Variants in MAST4 observed in about 807,000 individuals in gnomAD.
The protein encoded by MAST4 is microtubule associated serine/threonine kinase family member 4.
In MAST4, 89 loss-of-function variants were observed where a neutral mutation model predicts 162.7. The observed-to-expected ratio is 0.55, with a 90% CI of 0.46 to 0.65. The LOEUF (loss-of-function observed/expected upper bound fraction) is 0.65, where lower values mean the gene tolerates loss of function less well. MAST4 is among the 30% of genes least tolerant of loss of function. The probability of loss-of-function intolerance (pLI) is 0.00; values close to 1 mark genes in which losing one functional copy is unlikely to be tolerated. For missense variants in MAST4, 3,153 were observed against 3,374.0 expected, an observed-to-expected ratio of 0.93 and a Z score of 1.62; for synonymous variants, 1,479 against 1,361.1, an observed-to-expected ratio of 1.09 and a Z score of -1.91.
intron 3 of MAST4, among the ~76,000 whole-genome samples, chr5:66,858,312 T>C (rs1050509242): frequency 3.3e-5 from 5 of 152,250 alleles, no homozygotes; most frequent in East Asian, 1.9e-4. Flanking sequence ...GCTTTTTTTT[T>C]CTAAAATTTT....
Position 66,845,091 on chromosome 5 carries a change from A to T in MAST4, c.643-54860A>T, listed in dbSNP as rs187548897. Among the ~76,000 whole-genome samples, 141 of 40,120 alleles carry T rather than the reference A, an allele frequency of 3.5e-3. 1 individual carries two copies. Among genetic ancestry groups the T allele is most frequent in the South Asian group, 0.012 (14 of 1,210 alleles). The allele number at this position is 40,120 out of a possible 152,430, so 26.3% of individuals were successfully genotyped here. ...CCATTAAGGTCACTAATCTTTATAT[A>T]TATATATATATATATATATATATAT... On this transcript the variant is annotated intron_variant, in intron 3 of 28. Coordinates refer to ENST00000403625, the MANE Select transcript of MAST4 (RefSeq NM_001164664.2).
chr5:66,739,007 C>T (rs1752328041), intron 1 of MAST4, among the ~76,000 whole-genome samples: 1 of 152,026 alleles, frequency 6.6e-6, no homozygotes, highest in Non-Finnish European at 1.5e-5. Flanking sequence ...TGCCATTTTC[C>T]TATAGATCTT....
At chr5:66,743,673 G>A in intron 1 of MAST4, among the ~76,000 whole-genome samples, 1 of 152,228 alleles carries the variant, frequency 6.6e-6, no homozygotes, top group East Asian at 1.9e-4. Context: ...TGGAGAGGCA[G>A]AGACTCAGCC....
At chr5:67,135,886 C>G (rs1227761198) in intron 18 of MAST4, among the ~76,000 whole-genome samples, 2 of 152,220 alleles carry the variant, frequency 1.3e-5, no homozygotes, top group Non-Finnish European at 2.9e-5. Flanking sequence ...TCCGTACACA[C>G]AAGCACGCAC....
At position 67,078,927 on chromosome 5, in the gene MAST4, T is replaced by TAATATATATATATAATATATATATATATA. The variant is rs1554093935; in HGVS notation, c.764-11234_764-11233insATATATATATATAATATATATATATATAA. On this transcript the variant is annotated intron_variant, in intron 5 of 28. Transcript: ENST00000403625. ...TTTTATATAAATATATATATATATA[T>TAATATATATATATAATATATATATATATA]ATATATATATATATATATATATATG... Among the ~76,000 whole-genome samples the TAATATATATATATAATATATATATATATA allele has an allele frequency of 2.0e-3, 170 of 84,288 alleles. 7 individuals are homozygous for TAATATATATATATAATATATATATATATA. The highest frequency in any genetic ancestry group is 9.5e-3 in the African/African-American group (163 of 17,154). The allele number at this position is 84,288 out of a possible 152,430, so 55.3% of individuals were successfully genotyped here. A position where few individuals can be genotyped will look rare whatever the true frequency, so the allele number is the denominator to read the frequency against.
intron 2 of MAST4, among the ~76,000 whole-genome samples, chr5:66,769,227 G>T (rs566031911): frequency 6.6e-6 from 1 of 152,262 alleles, no homozygotes; most frequent in Admixed American, 6.5e-5. Context: ...ATTCATAAGA[G>T]TGGTGAGGAG....
At chr5:66,611,593 A>C (rs1260006280) in intron 1 of MAST4, among the ~76,000 whole-genome samples, 2 of 152,164 alleles carry the variant, frequency 1.3e-5, no homozygotes, top group African/African-American at 4.8e-5. Flanking sequence ...CTCTTTAGGG[A>C]TCTTCTGTGG....
intron 3 of MAST4, among the ~76,000 whole-genome samples, chr5:66,801,423 C>T (rs745742687): frequency 6.6e-6 from 1 of 152,172 alleles, no homozygotes; most frequent in Non-Finnish European, 1.5e-5. Context: ...CAGCTATCAG[C>T]TTCAATATCA....
At chr5:66,982,944 A>C (rs1749046716) in intron 4 of MAST4, among the ~76,000 whole-genome samples, 1 of 152,236 alleles carries the variant, frequency 6.6e-6, no homozygotes, top group Admixed American at 6.5e-5. Flanking sequence ...AATCTGAATT[A>C]CACTAAAATA....
At chr5:66,913,702 G>A (rs546147518) in intron 4 of MAST4, among the ~76,000 whole-genome samples, 9 of 152,130 alleles carry the variant, frequency 5.9e-5, no homozygotes, top group Admixed American at 4.6e-4. Flanking sequence ...GAGCTAAGCC[G>A]TCTTTCCCTA....
chr5:66,758,052 G>T (rs1453213914), intron 1 of MAST4, among the ~76,000 whole-genome samples: 3 of 151,668 alleles, frequency 2.0e-5, no homozygotes, highest in African/African-American at 7.3e-5. Context: ...CATTTGAAAG[G>T]GTGTGTTTTT....
intron 23 of MAST4, among the ~76,000 whole-genome samples, chr5:67,147,263 T>G (rs763465803): frequency 1.8e-4 from 27 of 152,098 alleles, no homozygotes; most frequent in Non-Finnish European, 3.7e-4. Context: ...TAGCCAAGGG[T>G]AATTAGGAAG....
chr5:66,966,271 C>T (rs1746720502), intron 4 of MAST4, among the ~76,000 whole-genome samples: 1 of 152,136 alleles, frequency 6.6e-6, no homozygotes, highest in Non-Finnish European at 1.5e-5. Context: ...ACCTTGTGAC[C>T]TTCTTTAGTC....
chr5:67,145,097 C>A, intron 22 of MAST4, 47 bp from the exon 23 acceptor site: 1 of 1,462,648 alleles, frequency 6.8e-7, no homozygotes, highest in Non-Finnish European at 9.4e-7. Flanking sequence ...ACCTTTAACA[C>A]AGTTTTCTAG....
At chr5:66,679,275 G>A (rs1035262046) in intron 1 of MAST4, among the ~76,000 whole-genome samples, 1 of 152,192 alleles carries the variant, frequency 6.6e-6, no homozygotes, top group Non-Finnish European at 1.5e-5. Flanking sequence ...GGGTTGACAA[G>A]GAAAGCAACA....
intron 18 of MAST4, 105 bp from the exon 19 acceptor site, chr5:67,136,458 C>A: frequency 1.3e-6 from 1 of 768,600 alleles, no homozygotes; most frequent in Non-Finnish European, 2.2e-6. Context: ...CCGGAGTGGG[C>A]CTGAAATTCT....
chr5:66,690,287 G>A (rs769421973), intron 1 of MAST4, among the ~76,000 whole-genome samples: 23 of 152,164 alleles, frequency 1.5e-4, no homozygotes, highest in Non-Finnish European at 1.5e-4. Flanking sequence ...GCTTGTCAGG[G>A]TAAGATATTC....
chr5:66,761,774 T>C (rs143908189), intron 2 of MAST4, among the ~76,000 whole-genome samples: 31 of 152,320 alleles, frequency 2.0e-4, no homozygotes, highest in African/African-American at 7.2e-4. Context: ...CCCTTGAGTT[T>C]ACTGATGCTC....
chr5:66,735,261 T>C (rs1057054497), intron 1 of MAST4, among the ~76,000 whole-genome samples: 2 of 152,208 alleles, frequency 1.3e-5, no homozygotes, highest in Non-Finnish European at 2.9e-5. Context: ...GAATTAATCA[T>C]ACAAAATAAT....
Sources: gnomAD v4.1 joint callset for allele counts (sites outside exome capture counted in the v4.1 genomes callset) on GRCh38, gnomAD v4.1.1 for gene constraint, MANE v1.5 for transcripts, NCBI Gene and HGNC (gene_info 2026-07-23, HGNC 2026-07-21) for gene names.